Variants in METTL9 observed in about 807,000 individuals in gnomAD.
METTL9 encodes the protein protein-L-histidine N-pros-methyltransferase.
Under a neutral mutation model 36.0 loss-of-function variants are expected in METTL9, and 10 were observed. The observed-to-expected ratio is 0.28, with a 90% CI of 0.17 to 0.47. The LOEUF is 0.47. METTL9 is among the 20% of genes least tolerant of loss of function. METTL9 has a pLI of 0.99. For synonymous variants in METTL9, 175 were observed against 149.7 expected (o/e 1.17, Z -1.23); for missense variants, 246 against 383.5 (o/e 0.64, Z 3.00).
intron 4 of METTL9, among the ~76,000 whole-genome samples, chr16:21,628,143 G>A (rs1965856334): frequency 1.3e-5 from 2 of 152,160 alleles, no homozygotes; most frequent in Non-Finnish European, 2.9e-5. Context: ...ATCTAGGAAA[G>A]TAGTTCTTAC....
intron 4 of METTL9, among the ~76,000 whole-genome samples, chr16:21,635,702 C>T (rs965759301): frequency 2.6e-5 from 4 of 152,060 alleles, no homozygotes; most frequent in African/African-American, 9.7e-5. Flanking sequence ...CAAATTGGTC[C>T]CAGTGGCTTA....
intron 4 of METTL9, among the ~76,000 whole-genome samples, chr16:21,650,293 G>A (rs1849496350): frequency 6.6e-6 from 1 of 152,112 alleles, no homozygotes; most frequent in Non-Finnish European, 1.5e-5. Flanking sequence ...GATCACCTGA[G>A]GTCAGGCGTT....
rs940033282 is a variant in METTL9 at position 21,599,623 on chromosome 16, C to G, written c.-111C>G. On this transcript the variant is annotated 5_prime_UTR_variant, in exon 1 of 5. Coordinates refer to ENST00000358154, the MANE Select transcript of METTL9 (RefSeq NM_016025.5). The surrounding 1 kb of genome is among the most constrained non-coding windows in gnomAD (Gnocchi z 4.4). ...CCTGAAGGGGGCTGGATGGGCAAGGCGGCCGCGATGGCTCGAGCTCGGGCG... is the reference window on the plus strand; with the variant it reads ...CCTGAAGGGGGCTGGATGGGCAAGGGGGCCGCGATGGCTCGAGCTCGGGCG... The G allele has an allele frequency of 1.9e-5, 25 of 1,333,528 alleles. No individual in the cohort carries two copies. Among genetic ancestry groups the G allele is most frequent in the Non-Finnish European group, 2.2e-5 (23 of 1,050,624 alleles). The allele number at this position is 1,333,528 out of a possible 1,614,324, so 82.6% of individuals were successfully genotyped here. A position where few individuals can be genotyped will look rare whatever the true frequency, so the allele number is the denominator to read the frequency against.
At chr16:21,636,112 A>G (rs1351419047) in intron 4 of METTL9, among the ~76,000 whole-genome samples, 1 of 152,200 alleles carries the variant, frequency 6.6e-6, no homozygotes, top group African/African-American at 2.4e-5. Context: ...TGCCTCAAAA[A>G]TGAAGTGGAG....
chr16:21,645,378 G>A (rs1311022502), intron 4 of METTL9, among the ~76,000 whole-genome samples: 8 of 152,060 alleles, frequency 5.3e-5, no homozygotes, highest in African/African-American at 1.4e-4. Flanking sequence ...GCTTGAACCC[G>A]GAAGGTGGAG....
chr16:21,599,384 A>G (rs1351601921), upstream of METTL9: 1 of 1,059,684 alleles, frequency 9.4e-7, no homozygotes, highest in Non-Finnish European at 1.1e-6. The surrounding 1 kb of genome is among the most constrained non-coding windows in gnomAD (Gnocchi z 4.4). Flanking sequence ...GGACACGAGA[A>G]CGCGCTCCGG....
chr16:21,613,008 T>C (rs1396737905), intron 2 of METTL9, among the ~76,000 whole-genome samples, 173 bp downstream of exon 2: 1 of 152,068 alleles, frequency 6.6e-6, no homozygotes, highest in Non-Finnish European at 1.5e-5. Flanking sequence ...TTCTGCCCTT[T>C]AAATTCACCA....
At chr16:21,612,437 AT>A in intron 1 of METTL9, 1 of 464,150 alleles carries the variant, frequency 2.2e-6, no homozygotes, top group Non-Finnish European at 3.5e-6. Context: ...CTGTAAGAGA[AT>A]TAAATGAGAA....
At chr16:21,628,789 C>T (rs1453720041) in intron 4 of METTL9, among the ~76,000 whole-genome samples, 1 of 152,062 alleles carries the variant, frequency 6.6e-6, no homozygotes, top group African/African-American at 2.4e-5. Context: ...AGCCACTGCA[C>T]CTGGCCTTGT....
At chr16:21,610,630 A>G (rs1479613738) in intron 1 of METTL9, among the ~76,000 whole-genome samples, 1 of 152,176 alleles carries the variant, frequency 6.6e-6, no homozygotes, top group Non-Finnish European at 1.5e-5. Context: ...AATTGAGAAA[A>G]ATGCTATTAA....
intron 4 of METTL9, among the ~76,000 whole-genome samples, chr16:21,629,307 G>C (rs1032093412): frequency 6.6e-6 from 1 of 152,162 alleles, no homozygotes; most frequent in Non-Finnish European, 1.5e-5. Context: ...GAGATCATGA[G>C]AGCAGAGCCT....
intron 1 of METTL9, among the ~76,000 whole-genome samples, chr16:21,604,720 T>G (rs1965228859): frequency 6.6e-6 from 1 of 152,224 alleles, no homozygotes; most frequent in Non-Finnish European, 1.5e-5. Flanking sequence ...ATGTGAATTT[T>G]GAATCCTTAG....
Position 21,647,481 on chromosome 16 carries a change from C to T in METTL9, c.752-7746C>T, listed in dbSNP as rs151150797. ...GGTTGTGTGACAGAGAGAGTACAGG[C>T]GCCCACAGCACCTGTGGGAGGAAGC... On this transcript the variant is annotated intron_variant, in intron 4 of 4. Transcript: ENST00000358154. 155 of 1,610,256 alleles carry T rather than the reference C, an allele frequency of 9.6e-5. 2 individuals carry two copies. In the East Asian group the frequency reaches 2.2e-3, roughly 23 times the overall value.
At chr16:21,649,795 G>A (rs1966521027) in intron 4 of METTL9, among the ~76,000 whole-genome samples, 1 of 152,140 alleles carries the variant, frequency 6.6e-6, no homozygotes, top group South Asian at 2.1e-4. Context: ...TGTAGCCTTT[G>A]TCTTCTGGGC....
At position 21,599,952 on chromosome 16, in the gene METTL9, G is replaced by T. The variant is rs1200649205; in HGVS notation, c.165+54G>T. On this transcript the variant is annotated intron_variant, in intron 1 of 4. Transcript: ENST00000358154. The surrounding 1 kb of genome is among the most constrained non-coding windows in gnomAD (Gnocchi z 4.4). ...GGGCGTGGCGGCCCGGCCTTCCCGCGCTGGGCCCGGCTATTGTGCGGGACG... is the reference window on the plus strand; with the variant it reads ...GGGCGTGGCGGCCCGGCCTTCCCGCTCTGGGCCCGGCTATTGTGCGGGACG... 3.9e-6 allele frequency: 5 copies of T among 1,268,394 alleles called. No individual in the cohort carries two copies. Among genetic ancestry groups the T allele is most frequent in the Non-Finnish European group, 3.0e-6 (3 of 1,009,266 alleles). The allele number at this position is 1,268,394 out of a possible 1,614,324, so 78.6% of individuals were successfully genotyped here.
At chr16:21,598,211 T>C (rs1271739656), upstream of METTL9, among the ~76,000 whole-genome samples, 1 of 152,026 alleles carries the variant, frequency 6.6e-6, no homozygotes, top group African/African-American at 2.4e-5. Context: ...TAGCTGGGCA[T>C]GGTGGCGCGC....
intron 4 of METTL9, 86 bp downstream of exon 4, chr16:21,625,201 G>A: frequency 1.4e-6 from 2 of 1,414,254 alleles, no homozygotes; most frequent in South Asian, 1.2e-5. Flanking sequence ...ATTAAATATT[G>A]TCTAGTATGT....
At chr16:21,638,978 G>T (rs1966178523) in intron 4 of METTL9, among the ~76,000 whole-genome samples, 1 of 152,184 alleles carries the variant, frequency 6.6e-6, no homozygotes, top group Admixed American at 6.5e-5. Context: ...GTTTGGTTTT[G>T]TTGTTAATTT....
intron 4 of METTL9, among the ~76,000 whole-genome samples, chr16:21,632,252 A>C (rs1428849200): frequency 6.6e-6 from 1 of 152,256 alleles, no homozygotes; most frequent in African/African-American, 2.4e-5. Flanking sequence ...TTACATAAGC[A>C]TACTTGCTAT....
Sources: allele counts gnomAD v4.1 joint callset (sites outside exome capture counted in the v4.1 genomes callset), GRCh38; gene constraint gnomAD v4.1.1; non-coding constraint Gnocchi (gnomAD v3.1); transcripts MANE v1.5; gene names NCBI Gene and HGNC (gene_info 2026-07-23, HGNC 2026-07-21).